IFT74: variants seen among roughly 807,000 people sequenced by gnomAD.
IFT74 encodes the protein intraflagellar transport 74.
In IFT74, 92 loss-of-function variants were observed where a neutral mutation model predicts 96.7. That is an observed-to-expected ratio of 0.95 (90% CI 0.80 to 1.13). The LOEUF (loss-of-function observed/expected upper bound fraction) is 1.13, where lower values mean the gene tolerates loss of function less well. Ranked by LOEUF, IFT74 falls within the 50% of genes most tolerant of loss-of-function variation. The pLI, the probability that IFT74 is intolerant of heterozygous loss-of-function variation, is 0.00. For missense variants in IFT74, 811 were observed against 698.2 expected (o/e 1.16, Z -1.82); for synonymous variants, 223 against 213.2 (o/e 1.05, Z -0.40).
chr9:26,975,798 T>G (rs1827089392), intron 2 of IFT74, among the ~76,000 whole-genome samples: 1 of 152,176 alleles, frequency 6.6e-6, no homozygotes, highest in Admixed American at 6.5e-5. Context: ...GCTCAGTCCC[T>G]CGTATTAGAG....
intron 13 of IFT74, among the ~76,000 whole-genome samples, chr9:27,037,683 G>A (rs990243107): frequency 1.3e-5 from 2 of 152,212 alleles, no homozygotes; most frequent in African/African-American, 2.4e-5. Flanking sequence ...CAACACAGCA[G>A]GTTACATGGT....
intron 13 of IFT74, among the ~76,000 whole-genome samples, chr9:27,043,012 C>G (rs1819543966): frequency 6.6e-6 from 1 of 152,184 alleles, no homozygotes; most frequent in Non-Finnish European, 1.5e-5. Context: ...CAGAGTACCT[C>G]TGGCCTCCTC....
chr9:27,036,446 G>A, intron 13 of IFT74: 2 of 1,613,180 alleles, frequency 1.2e-6, no homozygotes, highest in Non-Finnish European at 1.7e-6. Context: ...TTCTTCATCT[G>A]CAGATCCTAC....
intron 8 of IFT74, chr9:26,993,481 A>G (rs1036564829): frequency 5.9e-5 from 9 of 152,550 alleles, no homozygotes; most frequent in African/African-American, 2.2e-4. Flanking sequence ...ATAAATTAGT[A>G]AGTTCTTCTA....
In IFT74 at chr9:26,974,123, C is replaced by T. The variant is rs78958283; in HGVS notation, c.121-4005C>T. Reference sequence around the variant, plus strand: ...TAATTGGAGGCTTGGTTCCTTTGAACGGGGGTTTTTTGGATCCTTTATAGT... The same window carrying T: ...TAATTGGAGGCTTGGTTCCTTTGAATGGGGGTTTTTTGGATCCTTTATAGT... On this transcript the variant is annotated intron_variant, in intron 2 of 19. Transcript: ENST00000380062. 2.4e-4 allele frequency among the ~76,000 whole-genome samples: 37 copies of T among 152,168 alleles called. No individual in the cohort carries two copies. The East Asian group carries it at 7.0e-3, about 29-fold the overall frequency.
intron 14 of IFT74, among the ~76,000 whole-genome samples, chr9:27,046,086 T>C (rs1225021781): frequency 6.6e-6 from 1 of 152,174 alleles, no homozygotes; most frequent in East Asian, 1.9e-4. Flanking sequence ...ATATTAATTA[T>C]GGTTTGTTTT....
intron 13 of IFT74, among the ~76,000 whole-genome samples, chr9:27,039,993 G>A (rs1027517113): frequency 2.0e-5 from 3 of 152,176 alleles, no homozygotes; most frequent in Non-Finnish European, 4.4e-5. Flanking sequence ...GAGTCAGGGA[G>A]GAGAAAGTGT....
chr9:26,983,505 C>T (rs980603617), intron 4 of IFT74, among the ~76,000 whole-genome samples: 9 of 152,120 alleles, frequency 5.9e-5, no homozygotes, highest in Non-Finnish European at 1.3e-4. Flanking sequence ...ATCCAGGATG[C>T]TGGTAAACAT....
chr9:26,963,082 G>C (rs895129029), intron 2 of IFT74, among the ~76,000 whole-genome samples: 4 of 151,936 alleles, frequency 2.6e-5, no homozygotes, highest in Admixed American at 1.3e-4. Context: ...AGCATTAGGT[G>C]TATCTCCCGA....
intron 13 of IFT74, among the ~76,000 whole-genome samples, chr9:27,033,453 A>G (rs553800852): frequency 8.6e-5 from 13 of 151,790 alleles, no homozygotes; most frequent in Non-Finnish European, 1.9e-4. Context: ...AGTCCCAGCT[A>G]TTTGCTAAGG....
chr9:27,046,983 G>T (rs1280570773), intron 14 of IFT74, among the ~76,000 whole-genome samples: 1 of 152,100 alleles, frequency 6.6e-6, no homozygotes, highest in African/African-American at 2.4e-5. Context: ...GACCATCCTG[G>T]CCAACATGGT....
chr9:27,013,743 AT>A (rs1829218569), intron 10 of IFT74, among the ~76,000 whole-genome samples: 1 of 152,090 alleles, frequency 6.6e-6, no homozygotes, highest in South Asian at 2.1e-4. Flanking sequence ...TACTGTCTGT[AT>A]CTCAAATCTT....
intron 10 of IFT74, 67 bp from the exon 11 acceptor site, chr9:27,016,840 G>A: frequency 7.7e-7 from 1 of 1,300,242 alleles, no homozygotes; most frequent in Non-Finnish European, 1.0e-6. Flanking sequence ...CTTATAAACT[G>A]AAACCTATTT....
At position 26,980,614 on chromosome 9, in the gene IFT74, T is replaced by G. The variant is rs768145788; in HGVS notation, c.300T>G (p.Leu100=). ...TAGACAAATCTTACTATCTTGGGCT[T>G]CTTAGGTATGTTAAACATATCTTTT... The part of the protein sequence containing the change: ...QILDKSYYLG[L]LRSKISELTT... Residue 100 remains leucine, a synonymous_variant, in exon 4 of 20, where the codon CTT becomes CTG. Coordinates refer to ENST00000380062, the MANE Select transcript of IFT74 (RefSeq NM_025103.4). 1.4e-5 allele frequency: 22 copies of G among 1,594,714 alleles called. No homozygotes were observed. The East Asian group carries it at 4.5e-4, about 32-fold the overall frequency.
intron 12 of IFT74, among the ~76,000 whole-genome samples, chr9:27,020,762 C>A (rs181298667): frequency 2.0e-4 from 31 of 152,250 alleles, no homozygotes; most frequent in African/African-American, 7.5e-4. Flanking sequence ...GCGTGACCTA[C>A]CGCGCCTGGC....
At position 26,956,464 on chromosome 9, in the gene IFT74, G is replaced by A. The variant is rs1826101599; in HGVS notation, c.-72G>A. 1 of 152,274 alleles carries A rather than the reference G, an allele frequency of 6.6e-6. No homozygotes were observed. The highest frequency in any genetic ancestry group is 1.5e-5 in the Non-Finnish European group (1 of 68,084). 9.4% of individuals were successfully genotyped at this position (152,274 alleles called of 1,614,324 possible). On this transcript the variant is annotated 5_prime_UTR_variant, in exon 1 of 20. Transcript: ENST00000380062. ...GAAAACTGAGCGTGGGCCTCAGAAA[G>A]AAGTTAAGGCACCCGCGAGCCGGGC...
intron 2 of IFT74, chr9:26,976,721 T>C (rs1827142982): frequency 4.4e-6 from 2 of 454,924 alleles, no homozygotes; most frequent in East Asian, 1.4e-4. Context: ...AATAAGTAGC[T>C]GAGCAGGCTA....
chr9:26,996,327 G>A, intron 8 of IFT74: 1 of 1,591,664 alleles, frequency 6.3e-7, no homozygotes, highest in East Asian at 2.3e-5. Flanking sequence ...TTCTTGTTAA[G>A]TTGTTCGAAG....
chr9:27,036,480 A>G, intron 13 of IFT74: 1 of 1,613,760 alleles, frequency 6.2e-7, no homozygotes. Flanking sequence ...AAAATACTTG[A>G]AAAAAATACA....
Sources: allele counts gnomAD v4.1 joint callset (sites outside exome capture counted in the v4.1 genomes callset), GRCh38; gene constraint gnomAD v4.1.1; transcripts MANE v1.5; gene names NCBI Gene and HGNC (gene_info 2026-07-23, HGNC 2026-07-21).